Variants in GDA observed in about 807,000 individuals in gnomAD.
The protein encoded by GDA is cytoplasmic PSD-95 interactor.
In GDA, 18 loss-of-function variants were observed where a neutral mutation model predicts 59.6. The observed-to-expected ratio is 0.30, with a 90% confidence interval of 0.21 to 0.45. GDA has a LOEUF of 0.45. Ranked by LOEUF, GDA falls within the 20% of genes least tolerant of loss-of-function variation. GDA has a pLI of 1.00. For missense variants in GDA, 427 were observed against 552.3 expected (o/e 0.77, Z 2.27); for synonymous variants, 201 against 201.1 (o/e 1.00, Z 0.00).
At chr9:72,121,207 T>G (rs1825648672) in intron 1 of GDA, among the ~76,000 whole-genome samples, 1 of 152,176 alleles carries the variant, frequency 6.6e-6, no homozygotes, top group Non-Finnish European at 1.5e-5. Flanking sequence ...ATTATGCACA[T>G]GAGGGAAATG....
At chr9:72,228,143 A>C (rs778311600) in intron 9 of GDA, 103 bp downstream of exon 9, 1 of 721,774 alleles carries the variant, frequency 1.4e-6, no homozygotes, top group Non-Finnish European at 2.5e-6. Context: ...TCTCCCCTCT[A>C]TTCTGTGTTT....
chr9:72,148,931 C>A (rs1826819309), upstream of GDA, among the ~76,000 whole-genome samples: 1 of 152,178 alleles, frequency 6.6e-6, no homozygotes, highest in Non-Finnish European at 1.5e-5. Flanking sequence ...AAAACATTAG[C>A]CTCAAGGTGA....
At chr9:72,158,015 A>G (rs1244652517) in intron 1 of GDA, among the ~76,000 whole-genome samples, 3 of 152,080 alleles carry the variant, frequency 2.0e-5, no homozygotes, top group African/African-American at 7.2e-5. Flanking sequence ...TTATATCCCC[A>G]TTTCCATTTT....
intron 1 of GDA, among the ~76,000 whole-genome samples, chr9:72,119,038 C>T (rs1825568156): frequency 6.6e-6 from 1 of 151,828 alleles, no homozygotes; most frequent in African/African-American, 2.4e-5. Context: ...AAAAAGAAAA[C>T]ATAGTCTTTA....
chr9:72,195,204 C>T (rs752443108), intron 1 of GDA, among the ~76,000 whole-genome samples: 7 of 152,114 alleles, frequency 4.6e-5, no homozygotes, highest in Admixed American at 1.3e-4. Flanking sequence ...CATCTTGCTC[C>T]GCCTCTCCAA....
chr9:72,142,579 A>C (rs1354891238), intron 1 of GDA, among the ~76,000 whole-genome samples: 1 of 151,936 alleles, frequency 6.6e-6, no homozygotes, highest in African/African-American at 2.4e-5. Context: ...TCTCAAAAAA[A>C]AAAAAGAAGT....
Position 72,157,410 on chromosome 9 carries a change from C to T in GDA, c.123+7728C>T, listed in dbSNP as rs75917557. ...TCTGTTAGTTGGGTACTGTTCATTG[C>T]AGCCCAATGCACCCTCATTACTACA... On this transcript the variant is annotated intron_variant, in intron 1 of 13. Transcript: ENST00000358399. 1.3e-4 allele frequency among the ~76,000 whole-genome samples: 20 copies of T among 152,252 alleles called. No individual in the cohort carries two copies. The East Asian group carries it at 3.5e-3, about 27-fold the overall frequency.
At chr9:72,205,141 C>T (rs897450516) in intron 3 of GDA, among the ~76,000 whole-genome samples, 2 of 147,902 alleles carry the variant, frequency 1.4e-5, no homozygotes, top group African/African-American at 5.0e-5. Flanking sequence ...AATTGCGGAG[C>T]ACATATCCTA....
At chr9:72,115,566 T>G (rs1480472837) in intron 1 of GDA, among the ~76,000 whole-genome samples, 1 of 152,226 alleles carries the variant, frequency 6.6e-6, no homozygotes, top group East Asian at 1.9e-4. Flanking sequence ...GATAGAATAT[T>G]TGTTATTTAA....
chr9:72,173,836 C>A (rs2130985352), intron 1 of GDA, among the ~76,000 whole-genome samples: 1 of 152,142 alleles, frequency 6.6e-6, no homozygotes, highest in East Asian at 1.9e-4. Flanking sequence ...GTGTGTGTAT[C>A]CTCAACAGTT....
At chr9:72,187,988 G>A (rs1424623646) in intron 1 of GDA, among the ~76,000 whole-genome samples, 4 of 152,320 alleles carry the variant, frequency 2.6e-5, no homozygotes, top group Middle Eastern at 3.4e-3. Context: ...AGGATATCTA[G>A]CTGAAGACAT....
At chr9:72,180,169 C>CTCA (rs1196775190) in intron 1 of GDA, among the ~76,000 whole-genome samples, 82 of 152,176 alleles carry the variant, frequency 5.4e-4, no homozygotes, top group African/African-American at 1.9e-3. Context: ...CCAGCCTGGT[C>CTCA]AACATGGTGA....
chr9:72,190,164 G>C (rs998226643), intron 1 of GDA, among the ~76,000 whole-genome samples: 3 of 152,152 alleles, frequency 2.0e-5, no homozygotes, highest in African/African-American at 7.2e-5. Context: ...TCTCTGCTGT[G>C]TTGTGCAGGC....
intron 5 of GDA, among the ~76,000 whole-genome samples, chr9:72,216,678 T>A (rs1836167429): frequency 7.2e-6 from 1 of 139,492 alleles, no homozygotes; most frequent in South Asian, 2.5e-4. Context: ...TAGGAAAAAC[T>A]ATTTTTTTTT....
chr9:72,212,271 G>A lies in GDA; in HGVS notation c.472+1497G>A, dbSNP rs1263936493. On this transcript the variant is annotated intron_variant, in intron 4 of 13. Transcript: ENST00000358399. ...GCCGAGGCGGGCGGATCATGAGGTC[G>A]GGAGATTGAGACCATCCTGGCTAAC... 4.0e-5 allele frequency among the ~76,000 whole-genome samples: 6 copies of A among 151,866 alleles called. No individual in the cohort carries two copies. In the East Asian group the frequency reaches 5.8e-4, roughly 15 times the overall value.
At chr9:72,143,864 GT>G (rs1248939686) in intron 1 of GDA, among the ~76,000 whole-genome samples, 10 of 152,132 alleles carry the variant, frequency 6.6e-5, no homozygotes, top group Non-Finnish European at 1.5e-4. Flanking sequence ...ATTTTTAAAT[GT>G]TCAAATCTTA....
At chr9:72,206,934 G>A (rs1834791186) in intron 3 of GDA, among the ~76,000 whole-genome samples, 1 of 151,190 alleles carries the variant, frequency 6.6e-6, no homozygotes, top group South Asian at 2.1e-4. Flanking sequence ...ATCAAAAATG[G>A]CTTTACTTTT....
chr9:72,173,958 C>T (rs1410550801), intron 1 of GDA, among the ~76,000 whole-genome samples: 1 of 152,142 alleles, frequency 6.6e-6, no homozygotes, highest in Non-Finnish European at 1.5e-5. Flanking sequence ...GGTTGATGCC[C>T]TTATTCAGAT....
chr9:72,161,187 C>T (rs1387048814), intron 1 of GDA, among the ~76,000 whole-genome samples: 1 of 151,942 alleles, frequency 6.6e-6, no homozygotes, highest in Non-Finnish European at 1.5e-5. Flanking sequence ...GGATTATAGG[C>T]GTGAGCCACC....
Sources: gnomAD v4.1 joint callset for allele counts (sites outside exome capture counted in the v4.1 genomes callset) on GRCh38, gnomAD v4.1.1 for gene constraint, MANE v1.5 for transcripts, NCBI Gene and HGNC (gene_info 2026-07-23, HGNC 2026-07-21) for gene names.